PTPRD: variants seen among roughly 807,000 people sequenced by gnomAD.
PTPRD encodes the protein receptor-type tyrosine-protein phosphatase delta.
Under a neutral mutation model 214.5 loss-of-function variants are expected in PTPRD, and 34 were observed. The ratio of observed to expected loss-of-function variants is 0.16; its 90% CI spans 0.12 to 0.21. The LOEUF is 0.21. Among genes scored for constraint, PTPRD ranks in the 10% least tolerant of loss-of-function variants. PTPRD has a pLI of 1.00. For synonymous variants in PTPRD, 1,128 were observed against 845.7 expected, an observed-to-expected ratio of 1.33 and a Z score of -5.79; for missense variants, 2,545 against 2,398.7, an observed-to-expected ratio of 1.06 and a Z score of -1.27.
At chr9:8,562,477 T>C (rs2086789944) in intron 14 of PTPRD, among the ~76,000 whole-genome samples, 1 of 152,090 alleles carries the variant, frequency 6.6e-6, no homozygotes. Flanking sequence ...CATTTTGTCA[T>C]GCAGGCTGGT....
Position 9,950,722 on chromosome 9 carries a change from CAAAAAAAAAAAAAAAAAAAAAAAAAA to C in PTPRD, c.-471-12138_-471-12113del, listed in dbSNP as rs922771507. On this transcript the variant is annotated intron_variant, in intron 4 of 45. Transcript: ENST00000381196. ...CCTGGGCGACAGCGAGACTCCGTCT[CAAAAAAAAAAAAAAAAAAAAAAAAAA>C]AAAAAAAAAAAAGAAGAAAGTGGAA... is the stretch of plus-strand genomic sequence containing the variant. Among the ~76,000 whole-genome samples the C allele has an allele frequency of 1.1e-3, 3 of 2,664 alleles. 1 individual carries two copies. Among genetic ancestry groups the C allele is most frequent in the African/African-American group, 5.5e-3 (1 of 182 alleles). The allele number at this position is 2,664 out of a possible 152,430, so 1.7% of individuals were successfully genotyped here. A position where few individuals can be genotyped will look rare whatever the true frequency, so the allele number is the denominator to read the frequency against.
chr9:10,563,920 T>C (rs2064794339), intron 2 of PTPRD, among the ~76,000 whole-genome samples: 1 of 151,830 alleles, frequency 6.6e-6, no homozygotes, highest in Non-Finnish European at 1.5e-5. Flanking sequence ...TCTATAAAAT[T>C]ATGTTTGATA....
intron 5 of PTPRD, among the ~76,000 whole-genome samples, chr9:9,835,371 G>T (rs1385018847): frequency 1.3e-5 from 2 of 152,006 alleles, no homozygotes; most frequent in Non-Finnish European, 2.9e-5. Flanking sequence ...TACCTGAAAG[G>T]ATGCCACTTT....
At chr9:8,795,330 A>G (rs2096379787) in intron 11 of PTPRD, among the ~76,000 whole-genome samples, 1 of 151,668 alleles carries the variant, frequency 6.6e-6, no homozygotes, top group Non-Finnish European at 1.5e-5. Context: ...CTCCCAGATA[A>G]TTTTTTTCTA....
In PTPRD at chr9:8,664,629, T is replaced by A. The variant is rs376375055; in HGVS notation, c.65-27785A>T. On this transcript the variant is annotated intron_variant, in intron 12 of 45. Coordinates refer to ENST00000381196, the MANE Select transcript of PTPRD (RefSeq NM_002839.4). The stretch of plus-strand genomic sequence containing the variant: ...GACCACCAGCTCATATACTTCCAGA[T>A]AGCTCTGGTGTTTATGGTATATAAT... 2.0e-5 allele frequency among the ~76,000 whole-genome samples: 3 copies of A among 152,246 alleles called. No homozygotes were observed. The East Asian group carries it at 5.8e-4, about 29-fold the overall frequency.
intron 3 of PTPRD, among the ~76,000 whole-genome samples, chr9:10,279,017 G>A (rs997442513): frequency 9.2e-5 from 14 of 152,156 alleles, no homozygotes; most frequent in African/African-American, 2.2e-4. Flanking sequence ...CTCGTGATCT[G>A]CCCGCCTTGG....
At chr9:8,866,472 C>A (rs1364328971) in intron 11 of PTPRD, among the ~76,000 whole-genome samples, 2 of 152,038 alleles carry the variant, frequency 1.3e-5, no homozygotes, top group African/African-American at 4.8e-5. Flanking sequence ...ACGTGCTGCC[C>A]AATTAACCTT....
chr9:8,370,842 C>A (rs1341794282), intron 39 of PTPRD, among the ~76,000 whole-genome samples: 1 of 152,054 alleles, frequency 6.6e-6, no homozygotes, highest in African/African-American at 2.4e-5. Context: ...ATGGCCTTGC[C>A]ACCACTAGTA....
chr9:9,024,549 T>C (rs932619281), intron 10 of PTPRD, among the ~76,000 whole-genome samples: 1 of 151,764 alleles, frequency 6.6e-6, no homozygotes, highest in Non-Finnish European at 1.5e-5. Flanking sequence ...ACAAGCAAGA[T>C]AGGAGAGTTC....
chr9:8,776,882 TATGA>T (rs927459581), intron 11 of PTPRD, among the ~76,000 whole-genome samples: 8 of 146,734 alleles, frequency 5.5e-5, no homozygotes, highest in African/African-American at 1.5e-4. Flanking sequence ...ATGTATAGTA[TATGA>T]ATATTATATA....
At chr9:8,938,500 G>A (rs2099012026) in intron 11 of PTPRD, among the ~76,000 whole-genome samples, 1 of 152,116 alleles carries the variant, frequency 6.6e-6, no homozygotes, top group African/African-American at 2.4e-5. Context: ...TTGTCAGGGT[G>A]TGTGCCTTGA....
At chr9:10,595,840 A>G (rs967979121) in intron 2 of PTPRD, among the ~76,000 whole-genome samples, 4 of 151,702 alleles carry the variant, frequency 2.6e-5, no homozygotes, top group Admixed American at 6.6e-5. Context: ...TACATTTAAG[A>G]TGTTTTAAAA....
chr9:9,446,478 T>G, intron 8 of PTPRD, among the ~76,000 whole-genome samples: 1 of 152,190 alleles, frequency 6.6e-6, no homozygotes, highest in East Asian at 1.9e-4. Context: ...CGTGAGGTTT[T>G]AACATTAGGA....
At chr9:9,864,804 A>C (rs1037760497) in intron 5 of PTPRD, among the ~76,000 whole-genome samples, 3 of 152,138 alleles carry the variant, frequency 2.0e-5, no homozygotes, top group Non-Finnish European at 1.5e-5. Flanking sequence ...ATGAACCACC[A>C]GCCCCAACCC....
chr9:10,260,882 C>T (rs567029131), intron 3 of PTPRD, among the ~76,000 whole-genome samples: 10 of 151,598 alleles, frequency 6.6e-5, no homozygotes, highest in Non-Finnish European at 1.0e-4. Context: ...AAAATTTAAG[C>T]GTGATTTTCT....
chr9:8,980,039 A>T (rs2099301237), intron 11 of PTPRD, among the ~76,000 whole-genome samples: 1 of 152,136 alleles, frequency 6.6e-6, no homozygotes, highest in East Asian at 1.9e-4. Flanking sequence ...CTGGAATATT[A>T]TTCAGCCTCA....
chr9:10,180,063 A>G (rs932817077), intron 3 of PTPRD, among the ~76,000 whole-genome samples: 1 of 152,038 alleles, frequency 6.6e-6, no homozygotes, highest in African/African-American at 2.4e-5. Flanking sequence ...ACAATTTTTA[A>G]CTTATTAAAA....
At chr9:10,570,081 C>G (rs1566986654) in intron 2 of PTPRD, among the ~76,000 whole-genome samples, 1 of 151,952 alleles carries the variant, frequency 6.6e-6, no homozygotes, top group Non-Finnish European at 1.5e-5. Flanking sequence ...AACTTATATT[C>G]TTGGATTTTC....
intron 8 of PTPRD, among the ~76,000 whole-genome samples, chr9:9,503,427 C>T (rs1221758619): frequency 1.3e-5 from 2 of 151,650 alleles, no homozygotes; most frequent in Non-Finnish European, 3.0e-5. Flanking sequence ...TCACACTACA[C>T]ATGCCACACA....
Sources: allele counts gnomAD v4.1 joint callset (sites outside exome capture counted in the v4.1 genomes callset), GRCh38; gene constraint gnomAD v4.1.1; transcripts MANE v1.5; gene names NCBI Gene and HGNC (gene_info 2026-07-23, HGNC 2026-07-21).